Variants in DMD observed in about 807,000 individuals in gnomAD.
DMD encodes dystrophin, also known as mutant dystrophin.
Under a neutral mutation model 330.1 loss-of-function variants are expected in DMD, and 63 were observed. The observed-to-expected ratio is 0.19, with a 90% CI of 0.16 to 0.24. The LOEUF (loss-of-function observed/expected upper bound fraction) is 0.24, where lower values mean the gene tolerates loss of function less well. Among genes scored for constraint, DMD ranks in the 10% least tolerant of loss-of-function variants. DMD has a pLI of 1.00. For synonymous variants in DMD, 1,223 were observed against 959.8 expected, an observed-to-expected ratio of 1.27 and a Z score of -5.07; for missense variants, 3,344 against 2,684.1, an observed-to-expected ratio of 1.25 and a Z score of -5.43.
At chrX:32,256,055 C>T (rs989144942) in intron 43 of DMD, among the ~76,000 whole-genome samples, 1 of 110,965 alleles carries the variant, frequency 9.0e-6, no homozygotes, top group East Asian at 2.8e-4. Flanking sequence ...TTTTCTGTCT[C>T]GTTAATCTAA....
At chrX:31,839,757 T>C (rs1357136877) in intron 48 of DMD, among the ~76,000 whole-genome samples, 1 of 112,002 alleles carries the variant, frequency 8.9e-6, no homozygotes, top group African/African-American at 3.2e-5. Flanking sequence ...CAAGAGAACA[T>C]CACAAATACA....
intron 63 of DMD, among the ~76,000 whole-genome samples, chrX:31,243,292 T>G (rs1475331887): frequency 8.9e-6 from 1 of 111,819 alleles, no homozygotes. Context: ...ATTTAAAAAA[T>G]GTGAAGAAAC....
At chrX:33,221,820 A>G (rs1414928704) in intron 1 of DMD, among the ~76,000 whole-genome samples, 1 of 111,460 alleles carries the variant, frequency 9.0e-6, no homozygotes, top group Non-Finnish European at 1.9e-5. Flanking sequence ...CTGTAAATCA[A>G]TGAATATAAA....
chrX:31,527,982 T>G (rs1308257799), intron 55 of DMD, among the ~76,000 whole-genome samples: 1 of 111,001 alleles, frequency 9.0e-6, no homozygotes, highest in South Asian at 3.9e-4. Context: ...CTCCTCTATT[T>G]GTTTCTACTA....
intron 1 of DMD, among the ~76,000 whole-genome samples, chrX:33,303,246 C>A (rs2053694756): frequency 9.0e-6 from 1 of 111,362 alleles, no homozygotes; most frequent in African/African-American, 3.3e-5. Context: ...TTTGTGTGGA[C>A]ATAATTTTCA....
At chrX:31,981,369 A>G (rs1434311104) in intron 44 of DMD, among the ~76,000 whole-genome samples, 1 of 111,915 alleles carries the variant, frequency 8.9e-6, no homozygotes, top group African/African-American at 3.2e-5. Context: ...CCCAGTGAGT[A>G]TAAAACAAAG....
intron 44 of DMD, among the ~76,000 whole-genome samples, chrX:32,177,138 A>G (rs959465881): frequency 1.8e-5 from 2 of 111,959 alleles, no homozygotes; most frequent in Admixed American, 1.9e-4. Context: ...CATTCTCACT[A>G]GAACTATTTT....
chrX:32,545,533 A>G (rs1180669933), intron 16 of DMD, among the ~76,000 whole-genome samples, 199 bp from the exon 17 acceptor site: 2 of 112,086 alleles, frequency 1.8e-5, no homozygotes, highest in Non-Finnish European at 3.8e-5. Flanking sequence ...AGCAAGGGAA[A>G]GTAATCTCAA....
intron 29 of DMD, 129 bp from the exon 30 acceptor site, chrX:32,412,042 G>C: frequency 8.4e-7 from 1 of 1,192,488 alleles, no homozygotes; most frequent in Non-Finnish European, 1.1e-6. Flanking sequence ...AGATTTCGCA[G>C]CTTCCTGGCA....
chrX:32,585,837 A>G (rs1265438858), intron 13 of DMD, among the ~76,000 whole-genome samples: 1 of 109,395 alleles, frequency 9.1e-6, no homozygotes. Flanking sequence ...TTTTATCATG[A>G]GAGAATTTAT....
intron 3 of DMD, among the ~76,000 whole-genome samples, chrX:32,849,493 G>A: frequency 9.0e-6 from 1 of 111,639 alleles, no homozygotes; most frequent in Non-Finnish European, 1.9e-5. Flanking sequence ...ATACCAAGTA[G>A]TAAAACTGAA....
intron 12 of DMD, among the ~76,000 whole-genome samples, chrX:32,596,736 G>A (rs1195217557): frequency 1.8e-5 from 2 of 109,481 alleles, no homozygotes; most frequent in Non-Finnish European, 3.8e-5. Context: ...CAGTTGAGAC[G>A]GGATTTCACC....
At position 31,394,938 on chromosome X, in the gene DMD, T is replaced by TGAGAGAGAGA. The variant is rs757803694; in HGVS notation, c.9085-46314_9085-46305dup. ...CATTACTATGAGAGAGAGAGAAGGG[T>TGAGAGAGAGA]GAGAGAGAGAGAGAGAGAGAGAGAC... is the stretch of plus-strand genomic sequence containing the variant. On this transcript the variant is annotated intron_variant, in intron 60 of 78. Coordinates refer to ENST00000357033, the MANE Select transcript of DMD (RefSeq NM_004006.3). 8.8e-4 allele frequency among the ~76,000 whole-genome samples: 76 copies of TGAGAGAGAGA among 86,833 alleles called. 3 individuals are homozygous for TGAGAGAGAGA. Among genetic ancestry groups the TGAGAGAGAGA allele is most frequent in the Middle Eastern group, 0.012 (2 of 168 alleles). 75.4% of individuals were successfully genotyped at this position (86,833 alleles called of 115,157 possible). A position where few individuals can be genotyped will look rare whatever the true frequency, so the allele number is the denominator to read the frequency against.
intron 54 of DMD, 131 bp from the exon 55 acceptor site, chrX:31,627,993 C>T: frequency 1.6e-6 from 1 of 615,449 alleles, no homozygotes; most frequent in Non-Finnish European, 2.6e-6. Flanking sequence ...GTTGCTACAG[C>T]TCTTCCTTTA....
At chrX:31,856,473 C>T (rs1364426097) in intron 48 of DMD, among the ~76,000 whole-genome samples, 1 of 111,805 alleles carries the variant, frequency 8.9e-6, no homozygotes, top group Non-Finnish European at 1.9e-5. Context: ...ATACTTTTAC[C>T]AGATTACTTC....
intron 1 of DMD, among the ~76,000 whole-genome samples, chrX:33,142,037 A>G (rs1439682667): frequency 8.9e-6 from 1 of 112,761 alleles, no homozygotes; most frequent in African/African-American, 3.2e-5. Context: ...CCTTAAAGAT[A>G]GCTTTTGTCA....
chrX:31,577,880 C>A (rs1189648580), intron 55 of DMD, among the ~76,000 whole-genome samples: 1 of 110,860 alleles, frequency 9.0e-6, no homozygotes. Flanking sequence ...AAAGAAGGGG[C>A]CCTTTTGATG....
rs753413784 is a variant in DMD, at chrX:32,284,846, A to C, written c.6290+2683T>G. Among the ~76,000 whole-genome samples the C allele has an allele frequency of 3.6e-5, 4 of 112,215 alleles. No individual in the cohort carries two copies. The South Asian group carries it at 1.5e-3, about 41-fold the overall frequency. ...TCCTGACCAATTCCTATAGAATGTC[A>C]ATGGAAGTACAATTTCAACCTCTGG... On this transcript the variant is annotated intron_variant, in intron 43 of 78. Transcript: ENST00000357033.
chrX:31,853,712 TA>T (rs546820616), intron 48 of DMD, among the ~76,000 whole-genome samples: 151 of 105,512 alleles, frequency 1.4e-3, no homozygotes, highest in Middle Eastern at 4.8e-3. Flanking sequence ...TGCTTCAGAT[TA>T]AAAAAAAAAA....
Sources: gnomAD v4.1 joint callset for allele counts (sites outside exome capture counted in the v4.1 genomes callset) on GRCh38, gnomAD v4.1.1 for gene constraint, MANE v1.5 for transcripts, NCBI Gene and HGNC (gene_info 2026-07-23, HGNC 2026-07-21) for gene names.